The following SLIT3 variants were observed in gnomAD, a reference collection of about 807,000 sequenced individuals.
SLIT3 encodes slit guidance ligand 3, also known as slit homolog 3 protein.
In SLIT3, 68 loss-of-function variants were observed where a neutral mutation model predicts 184.0. The ratio of observed to expected loss-of-function variants is 0.37; its 90% CI spans 0.30 to 0.45. The LOEUF (loss-of-function observed/expected upper bound fraction) is 0.45. SLIT3 is among the 20% of genes least tolerant of loss of function. The pLI is 1.00. For missense variants in SLIT3, 1,707 were observed against 2,026.0 expected, an observed-to-expected ratio of 0.84 and a Z score of 3.02; for synonymous variants, 831 against 828.6, an observed-to-expected ratio of 1.00 and a Z score of -0.05.
At chr5:168,810,996 C>A (rs546316500) in intron 8 of SLIT3, among the ~76,000 whole-genome samples, 1 of 152,230 alleles carries the variant, frequency 6.6e-6, no homozygotes, top group East Asian at 1.9e-4. Flanking sequence ...TAACCAGGGA[C>A]CTGCCTCCTG....
At chr5:169,155,313 C>T (rs1580995042) in intron 4 of SLIT3, among the ~76,000 whole-genome samples, 1 of 152,228 alleles carries the variant, frequency 6.6e-6, no homozygotes, top group East Asian at 1.9e-4. Flanking sequence ...CAACCACCGT[C>T]AACACCTCGG....
intron 18 of SLIT3, among the ~76,000 whole-genome samples, chr5:168,751,327 A>C (rs956304172): frequency 1.3e-5 from 2 of 152,174 alleles, no homozygotes; most frequent in African/African-American, 4.8e-5. Context: ...AAGGTTAGAG[A>C]CGGGACAATA....
intron 26 of SLIT3, 48 bp from the exon 27 acceptor site, chr5:168,700,727 G>A (rs1762190048): frequency 3.5e-6 from 5 of 1,414,642 alleles, no homozygotes; most frequent in Middle Eastern, 2.0e-4. Flanking sequence ...GACTTCTGGG[G>A]CTGCCATGGC....
intron 4 of SLIT3, among the ~76,000 whole-genome samples, chr5:168,957,773 T>C (rs6884906): frequency 1.6e-5 from 1 of 62,032 alleles, no homozygotes; most frequent in Admixed American, 1.8e-4. Flanking sequence ...GTGTATGTGT[T>C]GGGGGCGGGA....
intron 4 of SLIT3, among the ~76,000 whole-genome samples, chr5:168,948,355 G>A (rs926189211): frequency 6.6e-6 from 1 of 152,130 alleles, no homozygotes; most frequent in Non-Finnish European, 1.5e-5. Flanking sequence ...GAAGGAAGAG[G>A]CTCCGTTGGA....
intron 4 of SLIT3, among the ~76,000 whole-genome samples, chr5:169,065,375 G>T (rs1486056237): frequency 6.6e-6 from 1 of 152,200 alleles, no homozygotes; most frequent in Non-Finnish European, 1.5e-5. Flanking sequence ...GGTTAATATG[G>T]AAGCCATCAC....
At chr5:168,918,191 A>G (rs555432616) in intron 4 of SLIT3, among the ~76,000 whole-genome samples, 23 of 152,358 alleles carry the variant, frequency 1.5e-4, no homozygotes, top group African/African-American at 5.3e-4. Context: ...AAGGGAAAAG[A>G]GAACCACATG....
chr5:168,800,597 A>G (rs901439168), intron 9 of SLIT3, among the ~76,000 whole-genome samples: 1 of 106,318 alleles, frequency 9.4e-6, no homozygotes, highest in African/African-American at 3.2e-5. Context: ...CAAAAAAAAG[A>G]AAGAAAGAAA....
chr5:168,841,186 A>AATGGG (rs1235452461), intron 6 of SLIT3, among the ~76,000 whole-genome samples: 1 of 152,208 alleles, frequency 6.6e-6, no homozygotes, highest in African/African-American at 2.4e-5. Context: ...AGCTTGGTAG[A>AATGGG]ATGGTTAATC....
rs1280881854 is a variant in SLIT3, at chr5:169,056,282, C to T, written c.413+137197G>A. ...ACAGGGTGCCGACTTGATTCACAGG[C>T]CTTGTGGATTCTTGGCTGGGCAGGT... On this transcript the variant is annotated intron_variant, in intron 4 of 35. Transcript: ENST00000519560. 2.6e-5 allele frequency among the ~76,000 whole-genome samples: 4 copies of T among 152,082 alleles called. No homozygotes were observed. The East Asian group carries it at 5.8e-4, about 22-fold the overall frequency.
At chr5:168,998,407 G>C (rs1755585260) in intron 4 of SLIT3, among the ~76,000 whole-genome samples, 1 of 152,096 alleles carries the variant, frequency 6.6e-6, no homozygotes, top group Non-Finnish European at 1.5e-5. Context: ...AACTTTGAAG[G>C]TTAGAACTAA....
At chr5:169,138,015 A>G (rs1300274169) in intron 4 of SLIT3, among the ~76,000 whole-genome samples, 1 of 152,202 alleles carries the variant, frequency 6.6e-6, no homozygotes, top group African/African-American at 2.4e-5. Flanking sequence ...CTATCAAGAT[A>G]GATGCCTGGG....
intron 19 of SLIT3, among the ~76,000 whole-genome samples, chr5:168,748,761 T>C (rs951382345): frequency 6.6e-6 from 1 of 152,164 alleles, no homozygotes; most frequent in Non-Finnish European, 1.5e-5. Flanking sequence ...TTTCCCTTCC[T>C]CTTTCTCCTT....
chr5:168,943,554 T>C (rs1042765827), intron 4 of SLIT3, among the ~76,000 whole-genome samples: 5 of 152,240 alleles, frequency 3.3e-5, no homozygotes, highest in African/African-American at 7.2e-5. Flanking sequence ...CTTCTCTAAG[T>C]CTCAGTTTCA....
chr5:169,161,544 C>T (rs1990868), intron 4 of SLIT3, among the ~76,000 whole-genome samples: 10,361 of 152,136 alleles, frequency 0.068, 1,261 homozygotes, highest in African/African-American at 0.24. Flanking sequence ...CAATGATAAA[C>T]CTCGGTGCCA....
At chr5:168,772,967 A>C (rs1405897387) in intron 13 of SLIT3, 23 bp from the exon 14 acceptor site, 5 of 1,573,304 alleles carry the variant, frequency 3.2e-6, no homozygotes, top group Non-Finnish European at 4.3e-6. Flanking sequence ...TGGGGCCGTT[A>C]ATCAGGAGTG....
At chr5:169,295,295 A>G (rs1482546050) in intron 1 of SLIT3, among the ~76,000 whole-genome samples, 1 of 152,218 alleles carries the variant, frequency 6.6e-6, no homozygotes, top group Non-Finnish European at 1.5e-5. Flanking sequence ...CCTGTATATT[A>G]TTTTGTTTAA....
intron 4 of SLIT3, among the ~76,000 whole-genome samples, chr5:169,011,631 G>A (rs887331159): frequency 6.6e-6 from 1 of 152,182 alleles, no homozygotes; most frequent in Admixed American, 6.5e-5. Flanking sequence ...TGCTGGGGGA[G>A]AGGAGGGGCC....
At chr5:169,123,391 T>G (rs572367539) in intron 4 of SLIT3, among the ~76,000 whole-genome samples, 3 of 152,276 alleles carry the variant, frequency 2.0e-5, no homozygotes, top group South Asian at 2.1e-4. Flanking sequence ...TGAGATGATG[T>G]TGAATATGAA....
Sources: gnomAD v4.1 joint callset for allele counts (sites outside exome capture counted in the v4.1 genomes callset) on GRCh38, gnomAD v4.1.1 for gene constraint, MANE v1.5 for transcripts, NCBI Gene and HGNC (gene_info 2026-07-23, HGNC 2026-07-21) for gene names.